ZNF280B: variants seen among roughly 807,000 people sequenced by gnomAD.
ZNF280B encodes the protein suppressor of hairy wing homolog 2.
Under a neutral mutation model 38.0 loss-of-function variants are expected in ZNF280B, and 16 were observed. The ratio of observed to expected loss-of-function variants is 0.42; its 90% CI spans 0.28 to 0.64. The LOEUF (loss-of-function observed/expected upper bound fraction) is 0.64. Among genes scored for constraint, ZNF280B ranks in the 30% least tolerant of loss-of-function variants. The probability of loss-of-function intolerance (pLI) is 0.21; values close to 1 mark genes in which losing one functional copy is unlikely to be tolerated. For missense variants in ZNF280B, 581 were observed against 639.6 expected (o/e 0.91, Z 0.99); for synonymous variants, 253 against 230.6 (o/e 1.10, Z -0.88).
chr22:22,486,618 C>T lies in ZNF280B; in HGVS notation c.*1149G>A, dbSNP rs185116616. 8 of 152,210 alleles carry T rather than the reference C, an allele frequency of 5.3e-5. No homozygotes were observed. In the East Asian group the frequency reaches 1.6e-3, roughly 30 times the overall value. 9.4% of individuals were successfully genotyped at this position (152,210 alleles called of 1,614,324 possible). A position where few individuals can be genotyped will look rare whatever the true frequency, so the allele number is the denominator to read the frequency against. On this transcript the variant is annotated 3_prime_UTR_variant, in exon 4 of 4. Transcript: ENST00000626650. ...ACAGGAAGTCAGCTAGTACCAGGCA[C>T]CATTCTATTAATTTTATTGCTATTT... is the stretch of plus-strand genomic sequence containing the variant.
chr22:22,489,289 T>A lies in ZNF280B; in HGVS notation c.110A>T (p.His37Leu). The change falls in exon 4 of 4, where the codon CAT (histidine) becomes CTT (leucine). Residue 37 changes from histidine to leucine, a missense_variant. Physicochemically the swap from His to Leu is moderately conservative, Grantham distance 99. Transcript: ENST00000626650. The stretch of plus-strand genomic sequence containing the variant: ...GATTAGCTCAGCATCTTCATTTACA[T>A]GTTCCACACCAACAAAGATGAGCTC... Reference protein sequence around the residue: ...DAELIFVGVEHVNEDAELIFV... With the variant: ...DAELIFVGVELVNEDAELIFV... The A allele has an allele frequency of 6.2e-7, 1 of 1,613,868 alleles. No homozygotes were observed. The highest frequency in any genetic ancestry group is 8.5e-7 in the Non-Finnish European group (1 of 1,179,958).
chr22:22,505,716 GCCATTGCA>G (rs2061924062), intron 2 of ZNF280B, among the ~76,000 whole-genome samples: 1 of 151,848 alleles, frequency 6.6e-6, no homozygotes, highest in African/African-American at 2.4e-5. Flanking sequence ...CCGAGACTGC[GCCATTGCA>G]CTCCAGCCTG....
chr22:22,498,007 CAG>C (rs2061735929), intron 2 of ZNF280B, among the ~76,000 whole-genome samples: 1 of 151,850 alleles, frequency 6.6e-6, no homozygotes, highest in South Asian at 2.1e-4. Context: ...ATACATACAA[CAG>C]AATGTTTATT....
Position 22,489,231 on chromosome 22 carries a change from G to T in ZNF280B, c.168C>A (p.Val56=). 1 of 1,613,750 alleles carries T rather than the reference G, an allele frequency of 6.2e-7. No homozygotes were observed. Among genetic ancestry groups the T allele is most frequent in the Non-Finnish European group, 8.5e-7 (1 of 1,179,942 alleles). ...FVGVTSNSKP[V]VSNILNRVTP... ...TGACTCTGTTCAAAATGTTTGAAAC[G>T]ACTGGTTTTGAATTTGAAGTCACCC... The change falls in exon 4 of 4, where the codon GTC becomes GTA. Residue 56 remains valine (V), a synonymous_variant. Coordinates refer to ENST00000626650, the MANE Select transcript of ZNF280B (RefSeq NM_080764.4).
intron 2 of ZNF280B, among the ~76,000 whole-genome samples, chr22:22,498,081 C>T (rs2061737277): frequency 6.6e-6 from 1 of 151,816 alleles, no homozygotes; most frequent in Non-Finnish European, 1.5e-5. Context: ...GAAAATATAC[C>T]ATGTAAAAGA....
In ZNF280B at chr22:22,501,033, A is replaced by C. The variant is rs1384871811; in HGVS notation, c.-187+6777T>G. 9.4e-4 allele frequency among the ~76,000 whole-genome samples: 139 copies of C among 148,240 alleles called. 1 individual carries two copies. Among genetic ancestry groups the C allele is most frequent in the Non-Finnish European group, 1.7e-3 (115 of 67,514 alleles). On this transcript the variant is annotated intron_variant, in intron 2 of 3. Transcript: ENST00000626650. ...AGACTCCGTCTCAAAAAAAAAAAAA[A>C]AAAAAAAACAAAAAACCAAAAAAAC...
rs763464310 is a variant in ZNF280B at position 22,489,245 on chromosome 22, T to G, written c.154A>C (p.Asn52His). 1.2e-6 allele frequency: 2 copies of G among 1,613,874 alleles called. No homozygotes were observed. Among genetic ancestry groups the G allele is most frequent in the South Asian group, 1.1e-5 (1 of 91,064 alleles). Reference sequence around the variant, plus strand: ...ATGTTTGAAACGACTGGTTTTGAATTTGAAGTCACCCCAACAAAGATTAGC... The same window carrying G: ...ATGTTTGAAACGACTGGTTTTGAATGTGAAGTCACCCCAACAAAGATTAGC... ...AELIFVGVTS[N>H]SKPVVSNILN... Residue 52 changes from asparagine to histidine, a missense_variant, in exon 4 of 4, where the codon AAT becomes CAT. By Grantham distance (68) the Asn-to-His change is moderately conservative. Transcript: ENST00000626650.
intron 2 of ZNF280B, among the ~76,000 whole-genome samples, chr22:22,502,840 GTAAATGATACCT>G (rs2061852935): frequency 6.6e-6 from 1 of 151,952 alleles, no homozygotes; most frequent in African/African-American, 2.4e-5. Flanking sequence ...CCTTAAGCCT[GTAAATGATACCT>G]TATTTGGAAA....
chr22:22,495,001 C>T (rs1240737731), intron 2 of ZNF280B, among the ~76,000 whole-genome samples: 1 of 151,994 alleles, frequency 6.6e-6, no homozygotes, highest in Non-Finnish European at 1.5e-5. Context: ...GCTGGGATTA[C>T]AGGCGTGAGC....
intron 3 of ZNF280B, among the ~76,000 whole-genome samples, chr22:22,493,291 G>A (rs975935949): frequency 4.6e-5 from 7 of 151,950 alleles, no homozygotes; most frequent in Non-Finnish European, 8.8e-5. Context: ...ACAGGCGTAA[G>A]CCACCATGCC....
At chr22:22,495,844 A>T (rs866348766) in intron 2 of ZNF280B, among the ~76,000 whole-genome samples, 1 of 150,874 alleles carries the variant, frequency 6.6e-6, no homozygotes, top group Non-Finnish European at 1.5e-5. Flanking sequence ...CCCAGGCTGG[A>T]GTGCAGTGGC....
rs777279091 is a variant in ZNF280B, at chr22:22,489,008, G to A, written c.391C>T (p.Pro131Ser). The change falls in exon 4 of 4, where the codon CCA (proline) becomes TCA (serine). Residue 131 changes from proline to serine, a missense_variant. By Grantham distance (74) the Pro-to-Ser change is moderately conservative. Transcript: ENST00000626650. ...LSKPDYRNSS[P>S]QVVPNNSSEL... ...GAAGAGTTATTAGGCACAACTTGTGGTGAACTATTTCTATAATCAGGTTTA... is the reference window on the plus strand; with the variant it reads ...GAAGAGTTATTAGGCACAACTTGTGATGAACTATTTCTATAATCAGGTTTA... The A allele has an allele frequency of 3.7e-5, 60 of 1,613,802 alleles. No individual in the cohort carries two copies. The highest frequency in any genetic ancestry group is 5.1e-5 in the Non-Finnish European group (60 of 1,179,940).
rs1463800719 is a variant in ZNF280B, at chr22:22,488,975, G to A, written c.424C>T (p.Pro142Ser). ...TCTGTGAATGTAATCAAAGGAGAAG[G>A]TAATTCTGAAGAGTTATTAGGCACA... ...QVVPNNSSELPSPLITFTDSL... is the reference protein window; with the variant it reads ...QVVPNNSSELSSPLITFTDSL... Residue 142 changes from proline (P) to serine (S), a missense_variant, in exon 4 of 4, where the codon CCT becomes TCT. Physicochemically the swap from Pro to Ser is moderately conservative, Grantham distance 74 (BLOSUM62 -1). Coordinates refer to ENST00000626650, the MANE Select transcript of ZNF280B (RefSeq NM_080764.4). 4.3e-6 allele frequency: 7 copies of A among 1,613,730 alleles called. No individual in the cohort carries two copies. Among genetic ancestry groups the A allele is most frequent in the Non-Finnish European group, 5.9e-6 (7 of 1,179,972 alleles).
At chr22:22,503,234 T>C (rs917654841) in intron 2 of ZNF280B, among the ~76,000 whole-genome samples, 1 of 151,944 alleles carries the variant, frequency 6.6e-6, no homozygotes, top group African/African-American at 2.4e-5. Context: ...GGAAAAGTAA[T>C]ATAGGGAGTG....
chr22:22,502,826 A>C (rs1008233609), intron 2 of ZNF280B, among the ~76,000 whole-genome samples: 3 of 151,968 alleles, frequency 2.0e-5, no homozygotes, highest in African/African-American at 7.2e-5. Context: ...ATCAGGTCCT[A>C]ATCCCTTAAG....
At chr22:22,493,576 C>T (rs2146786166) in intron 3 of ZNF280B, among the ~76,000 whole-genome samples, 1 of 152,076 alleles carries the variant, frequency 6.6e-6, no homozygotes, top group East Asian at 2.0e-4. Context: ...CAGAAAATGT[C>T]AAAGTACCTT....
At chr22:22,496,911 G>A (rs1008091158) in intron 2 of ZNF280B, among the ~76,000 whole-genome samples, 26 of 150,242 alleles carry the variant, frequency 1.7e-4, no homozygotes, top group Admixed American at 6.0e-4. Context: ...TCCACCTCCT[G>A]GGTTCAAGCA....
intron 2 of ZNF280B, among the ~76,000 whole-genome samples, chr22:22,498,793 CTTTT>C (rs60940298): frequency 9.6e-5 from 8 of 83,630 alleles, no homozygotes; most frequent in South Asian, 5.2e-4. Flanking sequence ...GGCCAATATC[CTTTT>C]TTTTTTTTTT....
chr22:22,500,395 T>C (rs903100798), intron 2 of ZNF280B, among the ~76,000 whole-genome samples: 3 of 151,594 alleles, frequency 2.0e-5, no homozygotes, highest in South Asian at 2.1e-4. Flanking sequence ...ACACACACAA[T>C]AGAATATTAT....
Sources: gnomAD v4.1 joint callset for allele counts (sites outside exome capture counted in the v4.1 genomes callset) on GRCh38, gnomAD v4.1.1 for gene constraint, MANE v1.5 for transcripts, NCBI Gene and HGNC (gene_info 2026-07-23, HGNC 2026-07-21) for gene names.